Variants in ZSCAN5A observed in about 807,000 individuals in gnomAD.
The protein encoded by ZSCAN5A is zinc finger and SCAN domain-containing protein 5A.
ZSCAN5A carries 12 observed loss-of-function variants against 23.7 expected under a neutral mutation model. That is an observed-to-expected ratio of 0.51 (90% CI 0.32 to 0.82). ZSCAN5A has a LOEUF of 0.82. Among genes scored for constraint, ZSCAN5A ranks in the 40% least tolerant of loss-of-function variants. ZSCAN5A has a pLI of 0.03. For missense variants in ZSCAN5A, 597 were observed against 617.9 expected (o/e 0.97, Z 0.36); for synonymous variants, 257 against 239.9 (o/e 1.07, Z -0.66).
chr19:56,355,984 A>G (rs1048374001), intron 2 of ZSCAN5A, among the ~76,000 whole-genome samples: 3 of 148,780 alleles, frequency 2.0e-5, no homozygotes, highest in Admixed American at 2.0e-4. Context: ...CATCCTCATT[A>G]ATACCAGATA....
chr19:56,259,043 GAA>G (rs2036932715), intron 2 of ZSCAN5A, among the ~76,000 whole-genome samples: 1 of 152,050 alleles, frequency 6.6e-6, no homozygotes, highest in Non-Finnish European at 1.5e-5. Context: ...AGTCAGCACA[GAA>G]GAGACCCTGA....
intron 2 of ZSCAN5A, among the ~76,000 whole-genome samples, chr19:56,258,040 G>T (rs575064651): frequency 1.5e-4 from 10 of 67,268 alleles, no homozygotes; most frequent in African/African-American, 4.1e-4. Context: ...ACCACTGCCC[G>T]ATCTTCTTAG....
chr19:56,307,018 G>A (rs12981810), intron 2 of ZSCAN5A, among the ~76,000 whole-genome samples: 1 of 24,732 alleles, frequency 4.0e-5, no homozygotes, highest in Non-Finnish European at 6.9e-5. Flanking sequence ...TCTTCCCTCG[G>A]TATCTGCAAA....
At chr19:56,275,500 G>A (rs1444663209) in intron 2 of ZSCAN5A, among the ~76,000 whole-genome samples, 1 of 152,204 alleles carries the variant, frequency 6.6e-6, no homozygotes, top group Non-Finnish European at 1.5e-5. Flanking sequence ...GGAGGCCAAC[G>A]CAAGAGGATC....
chr19:56,366,727 A>C (rs183114285), intron 1 of ZSCAN5A, among the ~76,000 whole-genome samples: 1 of 152,338 alleles, frequency 6.6e-6, no homozygotes, highest in African/African-American at 2.4e-5. Flanking sequence ...CCTAAGCTGC[A>C]TGTGATCTGG....
At chr19:56,341,260 T>C (rs1473890868) in intron 2 of ZSCAN5A, 3 of 152,134 alleles carry the variant, frequency 2.0e-5, no homozygotes, top group African/African-American at 7.2e-5. Flanking sequence ...TATGAGACTA[T>C]GTGAAAAGAC....
chr19:56,235,030 G>A (rs901806916), intron 2 of ZSCAN5A, among the ~76,000 whole-genome samples: 5 of 152,168 alleles, frequency 3.3e-5, no homozygotes, highest in African/African-American at 4.8e-5. Flanking sequence ...CTGTGATAAC[G>A]AGACAGAAGC....
chr19:56,245,483 T>G lies in ZSCAN5A; in HGVS notation c.-127-20310A>C, dbSNP rs572023397. On this transcript the variant is annotated intron_variant, in intron 2 of 5. Coordinates refer to ENST00000683990, the MANE Select transcript of ZSCAN5A (RefSeq NM_001322064.3). ...GGTGGGAGAAGGAACAGGAGAAAAC[T>G]GAGTGTGCCTCTGGACTGATTGAGA... 287 of 545,126 alleles carry G rather than the reference T, an allele frequency of 5.3e-4. 1 individual carries two copies. The highest frequency in any genetic ancestry group is 5.0e-5 in the Non-Finnish European group (15 of 297,454). The allele number at this position is 545,126 out of a possible 1,614,324, so 33.8% of individuals were successfully genotyped here.
intron 2 of ZSCAN5A, among the ~76,000 whole-genome samples, chr19:56,237,334 A>G (rs10415293): frequency 0.44 from 67,066 of 151,914 alleles, 15,167 homozygotes; most frequent in South Asian, 0.58. Context: ...GCTGAGGAGG[A>G]TCCACACCGC....
chr19:56,284,854 A>C (rs1484444163), intron 2 of ZSCAN5A: 1 of 202,932 alleles, frequency 4.9e-6, no homozygotes, highest in Non-Finnish European at 8.7e-6. Context: ...TTAAGTGGGA[A>C]TAATGAGGCA....
At chr19:56,343,370 C>G in intron 2 of ZSCAN5A, 1 of 561,318 alleles carries the variant, frequency 1.8e-6, no homozygotes, top group East Asian at 4.5e-5. Flanking sequence ...TGTCTTAGAG[C>G]ATTTTCTGAG....
chr19:56,221,543 T>A lies in ZSCAN5A; in HGVS notation c.*32A>T. The stretch of plus-strand genomic sequence containing the variant: ...GATGAAAAATATCATTCACTTCTTC[T>A]TGGTGCAGAAGGCATAGACCGGATT... On this transcript the variant is annotated 3_prime_UTR_variant, in exon 6 of 6. Coordinates refer to ENST00000683990, the MANE Select transcript of ZSCAN5A (RefSeq NM_001322064.3). 6.5e-7 allele frequency: 1 copy of A among 1,537,180 alleles called. No homozygotes were observed. The highest frequency in any genetic ancestry group is 8.7e-7 in the Non-Finnish European group (1 of 1,145,140).
intron 1 of ZSCAN5A, among the ~76,000 whole-genome samples, chr19:56,364,181 G>T (rs2041750717): frequency 6.6e-6 from 1 of 152,162 alleles, no homozygotes; most frequent in South Asian, 2.1e-4. Context: ...CTTAAGTCAG[G>T]CAAAGAATAG....
chr19:56,345,135 C>T (rs2041623671), intron 2 of ZSCAN5A, among the ~76,000 whole-genome samples: 1 of 151,802 alleles, frequency 6.6e-6, no homozygotes, highest in Non-Finnish European at 1.5e-5. Flanking sequence ...AAAATGTATG[C>T]TGGCAATTCT....
At chr19:56,251,517 C>G (rs746841907) in intron 2 of ZSCAN5A, among the ~76,000 whole-genome samples, 5 of 152,034 alleles carry the variant, frequency 3.3e-5, no homozygotes, top group Non-Finnish European at 5.9e-5. Flanking sequence ...GGGGCTGGCA[C>G]ACGATGGCCT....
chr19:56,322,638 T>C (rs113391653), intron 2 of ZSCAN5A, among the ~76,000 whole-genome samples: 2,205 of 152,284 alleles, frequency 0.014, 52 homozygotes, highest in African/African-American at 0.051. Context: ...GATATCTATC[T>C]ATAGATACAG....
chr19:56,272,320 C>A (rs2037909518), intron 2 of ZSCAN5A, among the ~76,000 whole-genome samples: 1 of 152,184 alleles, frequency 6.6e-6, no homozygotes, highest in South Asian at 2.1e-4. Flanking sequence ...TATTTTAGGC[C>A]TTTTGGCCCA....
intron 4 of ZSCAN5A, among the ~76,000 whole-genome samples, chr19:56,222,948 T>C (rs2033440920): frequency 6.6e-6 from 1 of 152,070 alleles, no homozygotes; most frequent in Admixed American, 6.6e-5. Flanking sequence ...CCCTCCATAT[T>C]CCAAATCAGC....
At position 56,221,510 on chromosome 19, in the gene ZSCAN5A, A is replaced by G. The variant is rs1407225420; in HGVS notation, c.*65T>C. On this transcript the variant is annotated 3_prime_UTR_variant, in exon 6 of 6. Coordinates refer to ENST00000683990, the MANE Select transcript of ZSCAN5A (RefSeq NM_001322064.3). The stretch of plus-strand genomic sequence containing the variant: ...CCTTGCATGTGTCAAATGTCATCTG[A>G]TAACATTGATGAAAAATATCATTCA... The G allele has an allele frequency of 2.6e-6, 4 of 1,519,924 alleles. No homozygotes were observed. Among genetic ancestry groups the G allele is most frequent in the African/African-American group, 2.8e-5 (2 of 71,834 alleles). The allele number at this position is 1,519,924 out of a possible 1,614,324, so 94.2% of individuals were successfully genotyped here.
Sources: gnomAD v4.1 joint callset for allele counts (sites outside exome capture counted in the v4.1 genomes callset) on GRCh38, gnomAD v4.1.1 for gene constraint, MANE v1.5 for transcripts, NCBI Gene and HGNC (gene_info 2026-07-23, HGNC 2026-07-21) for gene names.